LRRTM4: variants seen among roughly 807,000 people sequenced by gnomAD.
The protein encoded by LRRTM4 is leucine rich repeat transmembrane neuronal 4, also known as leucine-rich repeat transmembrane neuronal protein 4.
Under a neutral mutation model 47.6 loss-of-function variants are expected in LRRTM4, and 25 were observed. The ratio of observed to expected loss-of-function variants is 0.53; its 90% CI spans 0.38 to 0.73. The LOEUF (loss-of-function observed/expected upper bound fraction) is 0.73. Ranked by LOEUF, LRRTM4 falls within the 30% of genes least tolerant of loss-of-function variation. LRRTM4 has a pLI of 0.00. For synonymous variants in LRRTM4, 311 were observed against 269.5 expected, an observed-to-expected ratio of 1.15 and a Z score of -1.51; for missense variants, 638 against 713.4, an observed-to-expected ratio of 0.89 and a Z score of 1.20.
intron 3 of LRRTM4, among the ~76,000 whole-genome samples, chr2:77,240,693 A>G (rs1675235497): frequency 1.3e-5 from 2 of 152,036 alleles, no homozygotes; most frequent in Admixed American, 1.3e-4. Flanking sequence ...TACCGCCACT[A>G]TTATGTGAGT....
At chr2:76,881,687 T>A (rs1672934325) in intron 3 of LRRTM4, among the ~76,000 whole-genome samples, 2 of 152,096 alleles carry the variant, frequency 1.3e-5, no homozygotes, top group South Asian at 4.1e-4. Context: ...CTTCTTTAGT[T>A]TCTGTTAGCT....
chr2:77,357,467 G>T (rs1342225325), intron 3 of LRRTM4, among the ~76,000 whole-genome samples: 7 of 152,060 alleles, frequency 4.6e-5, no homozygotes, highest in Admixed American at 2.0e-4. Flanking sequence ...AATATTCCTG[G>T]TCCTCCTGAA....
In LRRTM4 at chr2:77,467,954, AG is replaced by A. The variant is rs1433946789; in HGVS notation, c.1551+50363del. ...CTGTTTACTTTTGAGTTACAAAAAG[AG>A]GTACTTATATAGTTCCCTATGTCAG... On this transcript the variant is annotated intron_variant, in intron 3 of 3. Transcript: ENST00000409884. 6.6e-5 allele frequency among the ~76,000 whole-genome samples: 10 copies of A among 152,220 alleles called. No homozygotes were observed. In the East Asian group the frequency reaches 1.9e-3, roughly 29 times the overall value.
intron 3 of LRRTM4, among the ~76,000 whole-genome samples, chr2:77,273,261 C>T (rs1164861454): frequency 1.3e-5 from 2 of 152,054 alleles, no homozygotes; most frequent in Non-Finnish European, 2.9e-5. Context: ...GGAAAAAATG[C>T]ATAAATTACA....
chr2:77,067,567 T>C (rs1679997298), intron 3 of LRRTM4, among the ~76,000 whole-genome samples: 1 of 151,496 alleles, frequency 6.6e-6, no homozygotes, highest in Non-Finnish European at 1.5e-5. Context: ...AGAAAACAGA[T>C]CAATGATTTA....
At chr2:77,463,082 T>C (rs1033562349) in intron 3 of LRRTM4, among the ~76,000 whole-genome samples, 4 of 152,092 alleles carry the variant, frequency 2.6e-5, no homozygotes, top group African/African-American at 9.7e-5. Flanking sequence ...ATTTTTGTCA[T>C]TGTGTGAACA....
chr2:77,310,649 T>C (rs1212558701), intron 3 of LRRTM4, among the ~76,000 whole-genome samples: 1 of 152,128 alleles, frequency 6.6e-6, no homozygotes, highest in African/African-American at 2.4e-5. Flanking sequence ...CAATCGAACA[T>C]GAAACATCTG....
chr2:77,123,818 A>T (rs1671583200), intron 3 of LRRTM4, among the ~76,000 whole-genome samples: 1 of 152,138 alleles, frequency 6.6e-6, no homozygotes, highest in Non-Finnish European at 1.5e-5. Context: ...CTACACAAAC[A>T]TAAGGCTTCT....
At chr2:76,852,803 CTT>C (rs1226827781) in intron 3 of LRRTM4, among the ~76,000 whole-genome samples, 1 of 152,076 alleles carries the variant, frequency 6.6e-6, no homozygotes, top group African/African-American at 2.4e-5. Context: ...CAGGACTAAA[CTT>C]GACTTAAATA....
At chr2:77,065,673 G>C (rs1211339644) in intron 3 of LRRTM4, among the ~76,000 whole-genome samples, 1 of 152,140 alleles carries the variant, frequency 6.6e-6, no homozygotes, top group Non-Finnish European at 1.5e-5. Context: ...AGGAAACAGA[G>C]TGTAACACAG....
At chr2:76,755,193 C>A (rs975365947) in intron 3 of LRRTM4, among the ~76,000 whole-genome samples, 1 of 152,080 alleles carries the variant, frequency 6.6e-6, no homozygotes, top group African/African-American at 2.4e-5. Flanking sequence ...ACTATACTTA[C>A]AATGTTCAAT....
At chr2:77,260,355 G>A (rs1322620747) in intron 3 of LRRTM4, among the ~76,000 whole-genome samples, 3 of 148,880 alleles carry the variant, frequency 2.0e-5, no homozygotes, top group Non-Finnish European at 3.0e-5. Flanking sequence ...TGAAGAAATT[G>A]GAAGTACTAC....
At chr2:76,825,559 A>T (rs1573173411) in intron 3 of LRRTM4, among the ~76,000 whole-genome samples, 1 of 151,738 alleles carries the variant, frequency 6.6e-6, no homozygotes, top group East Asian at 1.9e-4. Context: ...GGTGATAGCT[A>T]TGGAAGCAAG....
intron 3 of LRRTM4, among the ~76,000 whole-genome samples, chr2:77,037,317 A>C (rs1678871021): frequency 6.6e-6 from 1 of 151,746 alleles, no homozygotes; most frequent in African/African-American, 2.4e-5. Context: ...AGTTCACACT[A>C]GTGATCAAAG....
intron 3 of LRRTM4, among the ~76,000 whole-genome samples, chr2:77,194,365 A>G (rs567965473): frequency 5.3e-5 from 8 of 152,172 alleles, no homozygotes; most frequent in Admixed American, 5.2e-4. Flanking sequence ...GATGACAGAA[A>G]CCACTCTATG....
At chr2:76,902,519 A>G (rs1053950478) in intron 3 of LRRTM4, among the ~76,000 whole-genome samples, 4 of 152,172 alleles carry the variant, frequency 2.6e-5, no homozygotes, top group Admixed American at 6.5e-5. Context: ...GATGACCTTG[A>G]TGATGGATCT....
chr2:76,763,782 A>C (rs1009228757), intron 3 of LRRTM4, among the ~76,000 whole-genome samples: 12 of 152,218 alleles, frequency 7.9e-5, no homozygotes, highest in African/African-American at 2.9e-4. Context: ...AGAAGAAGTT[A>C]AAGTTAATTC....
chr2:77,145,179 G>A (rs1672221574), intron 3 of LRRTM4, among the ~76,000 whole-genome samples: 1 of 151,548 alleles, frequency 6.6e-6, no homozygotes, highest in Non-Finnish European at 1.5e-5. Flanking sequence ...CAAAAGTAAA[G>A]GGTAGAGCAT....
At chr2:77,234,131 T>A (rs1185564257) in intron 3 of LRRTM4, among the ~76,000 whole-genome samples, 5 of 152,186 alleles carry the variant, frequency 3.3e-5, no homozygotes, top group Non-Finnish European at 7.3e-5. Context: ...ATGTGCCAGA[T>A]ATACAGTACT....
Sources: gnomAD v4.1 joint callset for allele counts (sites outside exome capture counted in the v4.1 genomes callset) on GRCh38, gnomAD v4.1.1 for gene constraint, MANE v1.5 for transcripts, NCBI Gene and HGNC (gene_info 2026-07-23, HGNC 2026-07-21) for gene names.